The following HELZ variants were observed in gnomAD, a reference collection of about 807,000 sequenced individuals.
HELZ encodes the protein ATP-dependent RNA helicase with zinc finger domain.
A neutral mutation model predicts 218.2 loss-of-function variants in HELZ; 23 were observed. The ratio of observed to expected loss-of-function variants is 0.11; its 90% CI spans 0.08 to 0.15. The LOEUF (loss-of-function observed/expected upper bound fraction) is 0.15, where lower values mean the gene tolerates loss of function less well. Among genes scored for constraint, HELZ ranks in the 10% least tolerant of loss-of-function variants. The probability of loss-of-function intolerance (pLI) is 1.00; values close to 1 mark genes in which losing one functional copy is unlikely to be tolerated. For missense variants in HELZ, 1,813 were observed against 2,353.7 expected (o/e 0.77, Z 4.75); for synonymous variants, 814 against 829.4 (o/e 0.98, Z 0.32).
At chr17:67,214,259 C>CTTTTTTTT (rs777420102) in intron 5 of HELZ, among the ~76,000 whole-genome samples, 7 of 87,732 alleles carry the variant, frequency 8.0e-5, no homozygotes, top group African/African-American at 9.3e-5. Flanking sequence ...ATTAATATTT[C>CTTTTTTTT]TTTTTTTTTT....
chr17:67,127,031 G>C (rs560700200), intron 24 of HELZ, among the ~76,000 whole-genome samples: 20 of 152,116 alleles, frequency 1.3e-4, no homozygotes, highest in Non-Finnish European at 2.8e-4. Flanking sequence ...TTTTGCTCTA[G>C]GCACAGAGGT....
At chr17:67,189,447 C>G (rs1470475963) in intron 11 of HELZ, 142 bp downstream of exon 11, 1 of 521,748 alleles carries the variant, frequency 1.9e-6, no homozygotes, top group Non-Finnish European at 3.5e-6. Flanking sequence ...CAGAAATATA[C>G]TTTAGTACAA....
intron 5 of HELZ, among the ~76,000 whole-genome samples, chr17:67,208,888 C>A (rs1164251725): frequency 1.3e-5 from 2 of 150,938 alleles, no homozygotes; most frequent in Non-Finnish European, 2.9e-5. Flanking sequence ...CTGAGGTGAG[C>A]TGTGATCACA....
chr17:67,183,262 ATC>A (rs557247778), intron 12 of HELZ, among the ~76,000 whole-genome samples: 50 of 152,290 alleles, frequency 3.3e-4, no homozygotes, highest in African/African-American at 7.9e-4. Flanking sequence ...AGCAAGGTGA[ATC>A]TCTCTCAGCT....
rs550721096 is a variant in HELZ, at chr17:67,076,070, C to T, written c.*2182G>A. On this transcript the variant is annotated 3_prime_UTR_variant, in exon 33 of 33. Coordinates refer to ENST00000358691, the MANE Select transcript of HELZ (RefSeq NM_014877.4). ...AGAAAACAGAAAATTAGGCAATAAC[C>T]TCATGACAAGGGGTCAACTGAAAGC... 6.6e-6 allele frequency: 1 copy of T among 152,616 alleles called. No individual in the cohort carries two copies. The highest frequency in any genetic ancestry group is 2.4e-5 in the African/African-American group (1 of 41,522). 9.5% of individuals were successfully genotyped at this position (152,616 alleles called of 1,614,324 possible).
chr17:67,132,218 CTGTG>C (rs57691319), intron 23 of HELZ, among the ~76,000 whole-genome samples: 2,282 of 147,898 alleles, frequency 0.015, 32 homozygotes, highest in Non-Finnish European at 0.024. Flanking sequence ...CCTTAGGTCA[CTGTG>C]TGTGTGTGTG....
chr17:67,193,899 G>T, intron 9 of HELZ, 68 bp downstream of exon 9: 1 of 1,166,880 alleles, frequency 8.6e-7, no homozygotes. Flanking sequence ...TACTCCATTA[G>T]ATAAGGAAAA....
chr17:67,085,038 C>T lies in HELZ; in HGVS notation c.5494+1791G>A, dbSNP rs975558158. Among the ~76,000 whole-genome samples, 22 of 151,550 alleles carry T rather than the reference C, an allele frequency of 1.5e-4. 1 individual carries two copies. Among genetic ancestry groups the T allele is most frequent in the African/African-American group, 4.9e-4 (20 of 41,192 alleles). On this transcript the variant is annotated intron_variant, in intron 32 of 32. Transcript: ENST00000358691. ...GGAGGAATCGCTTCAGCCCGGATGG[C>T]GGAGGTTGCAGTGAGCTGAGAATGC...
At position 67,161,051 on chromosome 17, in the gene HELZ, G is replaced by A. The variant is rs2038980923; in HGVS notation, c.1921C>T (p.Arg641Ter). Residue 641 changes from arginine to a stop codon, truncating the protein, a stop_gained, in exon 16 of 33, where the codon CGA becomes TGA. Coordinates refer to ENST00000358691, the MANE Select transcript of HELZ (RefSeq NM_014877.4). LOFTEE classifies it high-confidence loss of function. ...GCCTCTTTCTGTTTTGCATTTAGTCGAGGATCCAACTGTTCATCCCATTGT... is the reference window on the plus strand; with the variant it reads ...GCCTCTTTCTGTTTTGCATTTAGTCAAGGATCCAACTGTTCATCCCATTGT... ...NRQWDEQLDP[R>*]LNAKQKEAVL... The A allele has an allele frequency of 1.2e-6, 2 of 1,611,446 alleles. No homozygotes were observed. The highest frequency in any genetic ancestry group is 1.7e-5 in the Admixed American group (1 of 59,622).
In HELZ at chr17:67,196,010, CCTGA is replaced by C. The variant is rs879589497; in HGVS notation, c.430-544_430-541del. The stretch of plus-strand genomic sequence containing the variant: ...GGAATTACAGATGCCCACCACCACG[CCTGA>C]CTAATTTTTATATTTTTAGTAGAGA... On this transcript the variant is annotated intron_variant, in intron 7 of 32. Coordinates refer to ENST00000358691, the MANE Select transcript of HELZ (RefSeq NM_014877.4). Among the ~76,000 whole-genome samples the C allele has an allele frequency of 5.4e-4, 82 of 151,982 alleles. 1 individual carries two copies. The highest frequency in any genetic ancestry group is 2.6e-4 in the Non-Finnish European group (18 of 67,942).
chr17:67,211,515 T>C (rs1451571983), intron 5 of HELZ, among the ~76,000 whole-genome samples: 1 of 152,178 alleles, frequency 6.6e-6, no homozygotes, highest in Non-Finnish European at 1.5e-5. Context: ...TATGAATGTT[T>C]ATTATATCAT....
intron 31 of HELZ, among the ~76,000 whole-genome samples, chr17:67,106,711 C>CA (rs1387169739): frequency 2.6e-5 from 4 of 152,194 alleles, no homozygotes; most frequent in Non-Finnish European, 4.4e-5. Flanking sequence ...ATTTGGGAAT[C>CA]AGAGTCCCTG....
intron 3 of HELZ, among the ~76,000 whole-genome samples, chr17:67,229,800 A>G (rs2143416243): frequency 6.6e-6 from 1 of 152,350 alleles, no homozygotes; most frequent in East Asian, 1.9e-4. Flanking sequence ...AGTTTTACTC[A>G]TTGTACTGTA....
chr17:67,234,320 GA>G (rs112024991), intron 3 of HELZ, among the ~76,000 whole-genome samples: 194 of 135,632 alleles, frequency 1.4e-3, no homozygotes, highest in Middle Eastern at 3.9e-3. Context: ...AAAGAAAAAA[GA>G]AAAAAAAAAA....
At chr17:67,221,486 G>C (rs1284810105) in intron 3 of HELZ, among the ~76,000 whole-genome samples, 8 of 152,166 alleles carry the variant, frequency 5.3e-5, no homozygotes, top group African/African-American at 1.4e-4. Flanking sequence ...GAAGTCGTAA[G>C]AAAACAAAGC....
intron 22 of HELZ, among the ~76,000 whole-genome samples, chr17:67,136,766 T>C (rs888623366): frequency 6.6e-6 from 1 of 152,068 alleles, no homozygotes; most frequent in African/African-American, 2.4e-5. Context: ...AGAAAGAATG[T>C]AGAAGGGTGA....
intron 1 of HELZ, chr17:67,244,632 G>C: frequency 1.0e-6 from 1 of 954,002 alleles, no homozygotes; most frequent in Non-Finnish European, 1.2e-6. Flanking sequence ...CCTCCGCGGG[G>C]GAGGGAGGGG....
chr17:67,110,272 T>C (rs2143761078), intron 28 of HELZ, among the ~76,000 whole-genome samples: 1 of 152,284 alleles, frequency 6.6e-6, no homozygotes, highest in African/African-American at 2.4e-5. Flanking sequence ...TTCACCATGT[T>C]GGCCAGGCCT....
chr17:67,195,461 T>C lies in HELZ; in HGVS notation c.439A>G (p.Ser147Gly). The change falls in exon 8 of 33, where the codon AGT becomes GGT. Residue 147 changes from serine to glycine, a missense_variant. By Grantham distance (56) the Ser-to-Gly change is moderately conservative. Transcript: ENST00000358691. ...ACGTGATATCCAGAGAGGGCGTTAC[T>C]AGTTGCTGTCTGCAATTTTCCAAAT... Reference protein sequence around the residue: ...TLLSETETATSNALSGYHVED... With the variant: ...TLLSETETATGNALSGYHVED... The C allele has an allele frequency of 6.2e-7, 1 of 1,601,322 alleles. No individual in the cohort carries two copies. Among genetic ancestry groups the C allele is most frequent in the Non-Finnish European group, 8.6e-7 (1 of 1,168,558 alleles).
Sources: allele counts gnomAD v4.1 joint callset (sites outside exome capture counted in the v4.1 genomes callset), GRCh38; gene constraint gnomAD v4.1.1; transcripts MANE v1.5; gene names NCBI Gene and HGNC (gene_info 2026-07-23, HGNC 2026-07-21).